The following REPS2 variants were observed in gnomAD, a reference collection of about 807,000 sequenced individuals.
REPS2 encodes the protein ralBP1-associated Eps domain-containing protein 2.
Under a neutral mutation model 53.6 loss-of-function variants are expected in REPS2, and 23 were observed. The observed-to-expected ratio is 0.43, with a 90% CI of 0.31 to 0.61. The LOEUF (loss-of-function observed/expected upper bound fraction) is 0.61. Among genes scored for constraint, REPS2 ranks in the 20% least tolerant of loss-of-function variants. The pLI is 0.11. For synonymous variants in REPS2, 238 were observed against 218.6 expected (o/e 1.09, Z -0.78); for missense variants, 446 against 534.9 (o/e 0.83, Z 1.64).
In REPS2 at chrX:17,141,342, T is replaced by G. The variant is rs1019383008; in HGVS notation, c.1914+2381T>G. 3.6e-5 allele frequency among the ~76,000 whole-genome samples: 4 copies of G among 112,361 alleles called. No homozygotes were observed. The South Asian group carries it at 1.5e-3, about 41-fold the overall frequency. ...TCACTAAGTATTATGTTTTTGAGAT[T>G]CATTTATATTGTTGTGTGTATCAGT... On this transcript the variant is annotated intron_variant, in intron 17 of 17. Transcript: ENST00000357277.
intron 8 of REPS2, among the ~76,000 whole-genome samples, chrX:17,057,460 C>T (rs2062086680): frequency 8.9e-6 from 1 of 112,512 alleles, no homozygotes; most frequent in Non-Finnish European, 1.9e-5. Context: ...GGATCTTCTT[C>T]AAATGTCCTC....
chrX:17,186,855 C>T, the REPS2 span, among the ~76,000 whole-genome samples: 7 of 110,358 alleles, frequency 6.3e-5, no homozygotes, highest in East Asian at 1.7e-3. Flanking sequence ...TGCCATTGTT[C>T]CACCCACCCA....
chrX:16,959,388 C>T (rs184613333), intron 1 of REPS2, among the ~76,000 whole-genome samples: 5 of 112,540 alleles, frequency 4.4e-5, no homozygotes, highest in Non-Finnish European at 7.5e-5. Flanking sequence ...TAAGCCACTA[C>T]ACCCAGTCTG....
At position 17,096,671 on chromosome X, in the gene REPS2, AAAAAAAAAAAAG is replaced by A. The variant is rs1394745413; in HGVS notation, c.1517-7042_1517-7031del. Among the ~76,000 whole-genome samples, 5 of 99,717 alleles carry A rather than the reference AAAAAAAAAAAAG, an allele frequency of 5.0e-5. No individual in the cohort carries two copies. In the East Asian group the frequency reaches 1.6e-3, roughly 31 times the overall value. The allele number at this position is 99,717 out of a possible 115,157, so 86.6% of individuals were successfully genotyped here. On this transcript the variant is annotated intron_variant, in intron 13 of 17. Coordinates refer to ENST00000357277, the MANE Select transcript of REPS2 (RefSeq NM_004726.3). Reference sequence around the variant, plus strand: ...CGAGACTCCGTCTCAAAAAAAAAAAAAAAAAAAAAAAGAAAAGAAAAGAGGAAGAAAATGAAT... The same window carrying A: ...CGAGACTCCGTCTCAAAAAAAAAAAAAAAAGAAAAGAGGAAGAAAATGAAT...
the REPS2 span, among the ~76,000 whole-genome samples, chrX:17,158,875 G>C: frequency 9.0e-6 from 1 of 111,523 alleles, no homozygotes; most frequent in African/African-American, 3.3e-5. Context: ...GAATGAAAGA[G>C]GCTTTAACAT....
chrX:17,026,045 C>T (rs772394244), intron 4 of REPS2, among the ~76,000 whole-genome samples: 21 of 111,667 alleles, frequency 1.9e-4, no homozygotes, highest in South Asian at 1.5e-3. Context: ...AATAAAACTG[C>T]GCGCTAGGCT....
At chrX:17,159,602 GCCT>G in the REPS2 span, among the ~76,000 whole-genome samples, 1 of 111,468 alleles carries the variant, frequency 9.0e-6, no homozygotes, top group African/African-American at 3.3e-5. Flanking sequence ...GCTTCTCTGT[GCCT>G]CACTCCATCA....
chrX:17,074,168 C>T lies in REPS2; in HGVS notation c.1379+9C>T, dbSNP rs755744458. On this transcript the variant is annotated intron_variant, in intron 12 of 17. Transcript: ENST00000357277. ...GCAAGACCAAGATCCAGGTAGTGTT[C>T]GTTTAATTTCTGCTTTAATGCCCTT... The T allele has an allele frequency of 8.3e-6, 10 of 1,203,208 alleles. No homozygotes were observed. The Admixed American group carries it at 8.8e-5, about 11-fold the overall frequency.
chrX:16,986,741 T>C (rs1041474306), intron 1 of REPS2, among the ~76,000 whole-genome samples: 1 of 111,142 alleles, frequency 9.0e-6, no homozygotes, highest in Non-Finnish European at 1.9e-5. Flanking sequence ...CTGTGGGGTA[T>C]TGGAAGTAGA....
intron 5 of REPS2, among the ~76,000 whole-genome samples, chrX:17,031,280 C>T (rs1240664907): frequency 1.8e-5 from 2 of 112,002 alleles, no homozygotes; most frequent in Non-Finnish European, 3.8e-5. Flanking sequence ...GGATGATAGT[C>T]AAACTACCAG....
chrX:17,054,764 C>G (rs1288646216), intron 7 of REPS2, 44 bp from the exon 8 acceptor site: 3 of 1,189,421 alleles, frequency 2.5e-6, no homozygotes, highest in Non-Finnish European at 3.4e-6. Flanking sequence ...GTAACTTGTT[C>G]TGTAAGCCCC....
intron 8 of REPS2, 151 bp downstream of exon 8, chrX:17,055,101 G>C: frequency 2.0e-6 from 1 of 494,006 alleles, no homozygotes. Flanking sequence ...CTGATGGCCA[G>C]TGATGATGAG....
At chrX:17,188,425 C>T in the REPS2 span, among the ~76,000 whole-genome samples, 1 of 111,942 alleles carries the variant, frequency 8.9e-6, no homozygotes, top group African/African-American at 3.3e-5. Context: ...TTCTACTCCT[C>T]TTTAGTACTC....
intron 2 of REPS2, 60 bp from the exon 3 acceptor site, chrX:17,022,063 C>A: frequency 1.9e-6 from 2 of 1,059,284 alleles, no homozygotes; most frequent in Non-Finnish European, 1.3e-6. Context: ...ATTGAGTTCC[C>A]CTTTTTTGCA....
chrX:17,130,448 C>G (rs1032502962), intron 14 of REPS2, among the ~76,000 whole-genome samples: 1 of 111,831 alleles, frequency 8.9e-6, no homozygotes, highest in Non-Finnish European at 1.9e-5. Flanking sequence ...TCTCACCATT[C>G]CCACACATTG....
the REPS2 span, among the ~76,000 whole-genome samples, chrX:17,177,565 C>T: frequency 4.5e-5 from 5 of 111,618 alleles, no homozygotes; most frequent in Non-Finnish European, 7.5e-5. Context: ...GGCCCAGATG[C>T]CTGTCATCAG....
intron 1 of REPS2, among the ~76,000 whole-genome samples, chrX:16,983,954 T>C (rs1468169360): frequency 1.8e-5 from 2 of 112,988 alleles, no homozygotes; most frequent in African/African-American, 6.4e-5. Flanking sequence ...ACTACCTCTT[T>C]AGCAGTGACT....
At chrX:17,054,051 G>A (rs964684738) in intron 7 of REPS2, among the ~76,000 whole-genome samples, 6 of 112,260 alleles carry the variant, frequency 5.3e-5, no homozygotes, top group African/African-American at 1.6e-4. Flanking sequence ...AGCTTATGGG[G>A]TCTTAGATAT....
At chrX:17,115,378 A>G in intron 14 of REPS2, among the ~76,000 whole-genome samples, 1 of 112,515 alleles carries the variant, frequency 8.9e-6, no homozygotes, top group Non-Finnish European at 1.9e-5. Context: ...TGTTGCCCGC[A>G]TGTCCCACCT....
Sources: gnomAD v4.1 joint callset for allele counts (sites outside exome capture counted in the v4.1 genomes callset) on GRCh38, gnomAD v4.1.1 for gene constraint, MANE v1.5 for transcripts, NCBI Gene and HGNC (gene_info 2026-07-23, HGNC 2026-07-21) for gene names.